Variants in STT3B observed in about 807,000 individuals in gnomAD.
STT3B encodes dolichyl-diphosphooligosaccharide--protein glycosyltransferase subunit STT3B.
Under a neutral mutation model 96.8 loss-of-function variants are expected in STT3B, and 29 were observed. The ratio of observed to expected loss-of-function variants is 0.30; its 90% CI spans 0.22 to 0.41. STT3B has a LOEUF of 0.41. Ranked by LOEUF, STT3B falls within the 10% of genes least tolerant of loss-of-function variation. The pLI is 1.00. For synonymous variants in STT3B, 367 were observed against 360.0 expected, an observed-to-expected ratio of 1.02 and a Z score of -0.22; for missense variants, 640 against 1,022.3, an observed-to-expected ratio of 0.63 and a Z score of 5.10.
At chr3:31,633,333 T>TATCC (rs1402292732) in intron 15 of STT3B, 186 bp downstream of exon 15, 2 of 611,910 alleles carry the variant, frequency 3.3e-6, no homozygotes, top group Non-Finnish European at 5.5e-6. Context: ...GCACTTCAGA[T>TATCC]ATCCCAAGCT....
chr3:31,563,789 G>T (rs1163333046), intron 1 of STT3B, among the ~76,000 whole-genome samples: 1 of 152,166 alleles, frequency 6.6e-6, no homozygotes, highest in African/African-American at 2.4e-5. Context: ...ATTGGTAATT[G>T]TGGAAATTAG....
At chr3:31,596,931 C>A (rs578045014) in intron 4 of STT3B, 68 bp downstream of exon 4, 3 of 1,151,792 alleles carry the variant, frequency 2.6e-6, no homozygotes, top group Non-Finnish European at 3.8e-6. Context: ...GTTCTTTTCT[C>A]CTGAAGTCTG....
intron 1 of STT3B, chr3:31,533,796 G>C (rs1240763550): frequency 6.6e-6 from 1 of 152,512 alleles, no homozygotes; most frequent in Non-Finnish European, 1.5e-5. Flanking sequence ...AATCGGCCAG[G>C]GGGGCTGCCC....
At position 31,533,235 on chromosome 3, in the gene STT3B, G is replaced by C. The variant is rs778762992; in HGVS notation, c.237G>C (p.Leu79=). 5.3e-6 allele frequency: 8 copies of C among 1,496,400 alleles called. No individual in the cohort carries two copies. The African/African-American group carries it at 1.0e-4, about 19-fold the overall frequency. The allele number at this position is 1,496,400 out of a possible 1,614,324, so 92.7% of individuals were successfully genotyped here. ...QSLLSFTILF[L]AWLAGFSSRL... ...TTCTCTCCTTCACCATCCTCTTCCT[G>C]GCCTGGCTTGCCGGCTTCAGCTCGC... Residue 79 remains leucine (L), a synonymous_variant, in exon 1 of 16, where the codon CTG becomes CTC. Coordinates refer to ENST00000295770, the MANE Select transcript of STT3B (RefSeq NM_178862.3).
chr3:31,594,630 A>T (rs1377296068), intron 3 of STT3B, among the ~76,000 whole-genome samples: 2 of 151,758 alleles, frequency 1.3e-5, no homozygotes, highest in African/African-American at 4.8e-5. Context: ...GGGTTTCATC[A>T]TGTTGTCCAG....
At chr3:31,605,132 G>A (rs747341079) in intron 5 of STT3B, among the ~76,000 whole-genome samples, 1 of 152,114 alleles carries the variant, frequency 6.6e-6, no homozygotes, top group Non-Finnish European at 1.5e-5. Context: ...GAGTTCAAGA[G>A]GCTAAGAGAG....
intron 5 of STT3B, among the ~76,000 whole-genome samples, chr3:31,601,819 C>T (rs1217580843): frequency 2.0e-5 from 3 of 152,098 alleles, no homozygotes; most frequent in Non-Finnish European, 4.4e-5. Context: ...CATTTATAGC[C>T]ATTTCAGCAT....
intron 5 of STT3B, among the ~76,000 whole-genome samples, chr3:31,604,287 ATAAAG>A (rs1168451288): frequency 6.6e-6 from 1 of 152,190 alleles, no homozygotes; most frequent in Admixed American, 6.5e-5. Flanking sequence ...TATTTTGTGA[ATAAAG>A]AAAAGATAAT....
intron 2 of STT3B, among the ~76,000 whole-genome samples, chr3:31,579,449 G>T (rs1438525728): frequency 1.9e-5 from 2 of 107,182 alleles, no homozygotes; most frequent in South Asian, 2.8e-4. Context: ...CAAACTCAAG[G>T]ATAAGCTAGA....
At chr3:31,550,145 G>A (rs1416966069) in intron 1 of STT3B, among the ~76,000 whole-genome samples, 1 of 152,080 alleles carries the variant, frequency 6.6e-6, no homozygotes, top group Non-Finnish European at 1.5e-5. Flanking sequence ...AAAATTGACA[G>A]CTGTCACTGC....
At chr3:31,592,785 T>A (rs537309747) in intron 3 of STT3B, among the ~76,000 whole-genome samples, 2 of 152,164 alleles carry the variant, frequency 1.3e-5, no homozygotes, top group Non-Finnish European at 2.9e-5. Context: ...ATATATTTCT[T>A]TGTATATGTG....
intron 11 of STT3B, 128 bp downstream of exon 11, chr3:31,623,989 T>A: frequency 1.2e-6 from 1 of 826,452 alleles, no homozygotes; most frequent in Non-Finnish European, 1.8e-6. Flanking sequence ...AATTTTTTAT[T>A]TTAATTTTGG....
In STT3B at chr3:31,597,837, A is replaced by AT. The variant is rs1303104009; in HGVS notation, c.777+976dup. 8.3e-3 allele frequency among the ~76,000 whole-genome samples: 884 copies of AT among 106,968 alleles called. 4 individuals carry two copies. Among genetic ancestry groups the AT allele is most frequent in the Non-Finnish European group, 0.014 (578 of 41,384 alleles). 70.2% of individuals were successfully genotyped at this position (106,968 alleles called of 152,430 possible). ...TTATTCATTTTATTTCATTATTATT[A>AT]TTATTATTTTTTTTTTGAGACAGAG... is the stretch of plus-strand genomic sequence containing the variant. On this transcript the variant is annotated intron_variant, in intron 4 of 15. Coordinates refer to ENST00000295770, the MANE Select transcript of STT3B (RefSeq NM_178862.3).
At chr3:31,577,657 G>T (rs1178278408) in intron 2 of STT3B, among the ~76,000 whole-genome samples, 1 of 152,066 alleles carries the variant, frequency 6.6e-6, no homozygotes, top group East Asian at 1.9e-4. Context: ...ATGATAGTAA[G>T]GTGTTGTGTT....
At chr3:31,571,230 G>C (rs760701404) in intron 1 of STT3B, among the ~76,000 whole-genome samples, 1 of 151,678 alleles carries the variant, frequency 6.6e-6, no homozygotes, top group Non-Finnish European at 1.5e-5. Flanking sequence ...GGATTTTAAG[G>C]GTAGTCTTAA....
At chr3:31,552,021 A>C (rs1697572808) in intron 1 of STT3B, among the ~76,000 whole-genome samples, 1 of 152,170 alleles carries the variant, frequency 6.6e-6, no homozygotes, top group Non-Finnish European at 1.5e-5. Flanking sequence ...TCCCTAATTT[A>C]GCCTCCACAT....
chr3:31,618,237 T>C (rs923362875), intron 8 of STT3B, among the ~76,000 whole-genome samples: 3 of 151,832 alleles, frequency 2.0e-5, no homozygotes, highest in Admixed American at 6.6e-5. Flanking sequence ...CCGTTTTGTT[T>C]GTAAGAATAT....
At chr3:31,562,135 G>T (rs1476478411) in intron 1 of STT3B, among the ~76,000 whole-genome samples, 1 of 152,162 alleles carries the variant, frequency 6.6e-6, no homozygotes, top group African/African-American at 2.4e-5. Flanking sequence ...CTGCTTAGGT[G>T]CTGGGATTCC....
rs1699693765 is a variant in STT3B, at chr3:31,633,092, A to C, written c.2345A>C (p.Asp782Ala). The change falls in exon 15 of 16, where the codon GAT becomes GCT. Residue 782 changes from aspartate to alanine, a missense_variant. This residue lies in a region of STT3B where 51 missense variants were observed against 64.2 expected (regional missense o/e 0.79). Transcript: ENST00000295770. ...VKAPDNRETLDHKPRVTNIFP... is the reference protein window; with the variant it reads ...VKAPDNRETLAHKPRVTNIFP... ...GCACCTGATAACAGGGAGACATTAG[A>C]TCACAAACCTCGAGTCACCAACATT... is the stretch of plus-strand genomic sequence containing the variant. The C allele has an allele frequency of 6.2e-7, 1 of 1,614,030 alleles. No homozygotes were observed. Among genetic ancestry groups the C allele is most frequent in the Non-Finnish European group, 8.5e-7 (1 of 1,179,980 alleles).
Sources: allele counts gnomAD v4.1 joint callset (sites outside exome capture counted in the v4.1 genomes callset), GRCh38; gene constraint gnomAD v4.1.1; regional missense constraint gnomAD v4.1.1; transcripts MANE v1.5; gene names NCBI Gene and HGNC (gene_info 2026-07-23, HGNC 2026-07-21).